The following PLXNA4 variants were observed in gnomAD, a reference collection of about 807,000 sequenced individuals.
PLXNA4 encodes the protein plexin A4, also known as plexin-A4.
PLXNA4 carries 44 observed loss-of-function variants against 191.8 expected under a neutral mutation model. The ratio of observed to expected loss-of-function variants is 0.23; its 90% CI spans 0.18 to 0.29. The LOEUF is 0.29. PLXNA4 is among the 10% of genes least tolerant of loss of function. PLXNA4 has a pLI of 1.00. For missense variants in PLXNA4, 1,800 were observed against 2,488.8 expected, an observed-to-expected ratio of 0.72 and a Z score of 5.89; for synonymous variants, 1,082 against 1,009.5, an observed-to-expected ratio of 1.07 and a Z score of -1.36.
intron 8 of PLXNA4, 29 bp downstream of exon 8, chr7:132,226,132 G>T: frequency 6.3e-7 from 1 of 1,583,346 alleles, no homozygotes; most frequent in Non-Finnish European, 8.7e-7. Flanking sequence ...CCCCAGGAAC[G>T]GGAAGTGGGT....
At chr7:132,270,691 G>C (rs1800033989) in intron 4 of PLXNA4, among the ~76,000 whole-genome samples, 1 of 152,196 alleles carries the variant, frequency 6.6e-6, no homozygotes. Flanking sequence ...CTGATGTACA[G>C]GCAGAATCAT....
rs556920916 is a variant in PLXNA4 at position 132,200,293 on chromosome 7, G to A, written c.2587-1657C>T. ...GATGGCACCAGACACACTGCCATGC[G>A]CAGCAGCCCCCTGGGTTGGTTTCTT... On this transcript the variant is annotated intron_variant, in intron 12 of 31. Transcript: ENST00000321063. Among the ~76,000 whole-genome samples the A allele has an allele frequency of 1.1e-4, 16 of 152,232 alleles. No individual in the cohort carries two copies. In the South Asian group the frequency reaches 3.1e-3, roughly 30 times the overall value.
chr7:132,291,415 G>A (rs1232097860), intron 4 of PLXNA4, among the ~76,000 whole-genome samples: 1 of 152,066 alleles, frequency 6.6e-6, no homozygotes, highest in South Asian at 2.1e-4. Flanking sequence ...TCTCTCATTC[G>A]CTGTCTCTCT....
In PLXNA4 at chr7:132,211,177, C is replaced by T. The variant is rs948431432; in HGVS notation, c.2098-34G>A. 3.2e-6 allele frequency: 5 copies of T among 1,542,232 alleles called. No homozygotes were observed. In the African/African-American group the frequency reaches 5.5e-5, roughly 17 times the overall value. ...AGAGGGCATGGCTCAGGCTGGGCAG[C>T]CAGGAAACCAAATGAGCAAGGACCT... On this transcript the variant is annotated intron_variant, in intron 9 of 31. Transcript: ENST00000321063.
At position 132,202,587 on chromosome 7, in the gene PLXNA4, G is replaced by T. The variant is rs1046498014; in HGVS notation, c.2586+59C>A. On this transcript the variant is annotated intron_variant, in intron 12 of 31. Coordinates refer to ENST00000321063, the MANE Select transcript of PLXNA4 (RefSeq NM_020911.2). ...CACGGCTGGGCAGAGTTTCCACAGG[G>T]TGTGGCACAGCAGCCTGGAGCCTGC... is the stretch of plus-strand genomic sequence containing the variant. 8.5e-6 allele frequency: 12 copies of T among 1,406,472 alleles called. No homozygotes were observed. The Admixed American group carries it at 1.6e-4, about 19-fold the overall frequency. 87.1% of individuals were successfully genotyped at this position (1,406,472 alleles called of 1,614,324 possible).
chr7:132,463,014 T>C (rs1796572638), intron 3 of PLXNA4, among the ~76,000 whole-genome samples: 1 of 151,870 alleles, frequency 6.6e-6, no homozygotes, highest in Non-Finnish European at 1.5e-5. Context: ...CGTGCCCAGC[T>C]AACTTCTATA....
chr7:132,393,211 CACT>C (rs1389243427), intron 3 of PLXNA4, among the ~76,000 whole-genome samples: 2 of 136,850 alleles, frequency 1.5e-5, no homozygotes, highest in Non-Finnish European at 3.2e-5. Flanking sequence ...CCACCACCAC[CACT>C]GACCCCAGCC....
intron 3 of PLXNA4, among the ~76,000 whole-genome samples, chr7:132,371,525 G>A (rs1388221488): frequency 1.3e-5 from 2 of 152,156 alleles, no homozygotes; most frequent in East Asian, 1.9e-4. Context: ...AAAGACTTGG[G>A]ATAGAAAATT....
At chr7:132,594,092 A>G (rs10273617) in intron 2 of PLXNA4, among the ~76,000 whole-genome samples, 2 of 152,168 alleles carry the variant, frequency 1.3e-5, no homozygotes, top group East Asian at 1.9e-4. Flanking sequence ...CGCAAAAATC[A>G]TATGTGAAAG....
chr7:132,174,937 C>A lies in PLXNA4; in HGVS notation c.3875-17G>T. ...CGGCAAAGGCTGGCACGAAGAGAAG[C>A]CTGTGAGATGGCTGGATGGGGAGGC... On this transcript the variant is annotated splice_polypyrimidine_tract_variant and intron_variant, in intron 20 of 31. Coordinates refer to ENST00000321063, the MANE Select transcript of PLXNA4 (RefSeq NM_020911.2). 6.2e-7 allele frequency: 1 copy of A among 1,613,132 alleles called. No individual in the cohort carries two copies. The highest frequency in any genetic ancestry group is 1.1e-5 in the South Asian group (1 of 91,016).
At chr7:132,575,690 C>T (rs990300671) in intron 1 of PLXNA4, among the ~76,000 whole-genome samples, 4 of 152,170 alleles carry the variant, frequency 2.6e-5, no homozygotes, top group Admixed American at 1.3e-4. Context: ...ATCTGACCCC[C>T]GTACCTTCCC....
chr7:132,383,285 T>C lies in PLXNA4; in HGVS notation c.1372-85063A>G, dbSNP rs550128431. 3.3e-5 allele frequency among the ~76,000 whole-genome samples: 5 copies of C among 152,220 alleles called. No homozygotes were observed. The South Asian group carries it at 1.0e-3, about 32-fold the overall frequency. Reference sequence around the variant, plus strand: ...AGCTGGCTGGCTGCACACACCAGGATTGGACATGGATATTTCAAAGCATCT... The same window carrying C: ...AGCTGGCTGGCTGCACACACCAGGACTGGACATGGATATTTCAAAGCATCT... On this transcript the variant is annotated intron_variant, in intron 3 of 31. Coordinates refer to ENST00000321063, the MANE Select transcript of PLXNA4 (RefSeq NM_020911.2).
At chr7:132,186,744 A>G (rs770878829) in intron 15 of PLXNA4, among the ~76,000 whole-genome samples, 14 of 152,228 alleles carry the variant, frequency 9.2e-5, no homozygotes, top group Non-Finnish European at 1.2e-4. Context: ...ATTCCTGGGC[A>G]CAGACCAAGC....
chr7:132,483,381 C>T (rs1797415025), intron 3 of PLXNA4, among the ~76,000 whole-genome samples: 1 of 152,240 alleles, frequency 6.6e-6, no homozygotes, highest in South Asian at 2.1e-4. Context: ...CTCTTCTTGC[C>T]TCTGCCTCCT....
chr7:132,600,017 C>G (rs191826936), intron 2 of PLXNA4, among the ~76,000 whole-genome samples: 1 of 152,296 alleles, frequency 6.6e-6, no homozygotes, highest in East Asian at 1.9e-4. Context: ...TCCTTGCTCA[C>G]TTGGAATAAA....
intron 2 of PLXNA4, among the ~76,000 whole-genome samples, chr7:132,627,152 C>T (rs1479959007): frequency 1.3e-5 from 2 of 152,180 alleles, no homozygotes; most frequent in African/African-American, 4.8e-5. Flanking sequence ...TAACTCATGG[C>T]TCATAAAGAA....
intron 3 of PLXNA4, among the ~76,000 whole-genome samples, chr7:132,331,564 G>A (rs535378550): frequency 7.9e-5 from 12 of 152,364 alleles, no homozygotes; most frequent in Middle Eastern, 3.4e-3. Flanking sequence ...TGTGGTTATA[G>A]GGAGTGGTCA....
At chr7:132,178,444 A>G (rs1796549387) in intron 20 of PLXNA4, among the ~76,000 whole-genome samples, 1 of 152,090 alleles carries the variant, frequency 6.6e-6, no homozygotes, top group Non-Finnish European at 1.5e-5. Context: ...CCTTTAAGTC[A>G]CCAAGCGCCT....
chr7:132,225,677 G>A (rs1798297987), intron 8 of PLXNA4, among the ~76,000 whole-genome samples: 1 of 151,950 alleles, frequency 6.6e-6, no homozygotes, highest in African/African-American at 2.4e-5. Context: ...ACTCAGCCTG[G>A]GCAGCCTGTG....
Sources: allele counts gnomAD v4.1 joint callset (sites outside exome capture counted in the v4.1 genomes callset), GRCh38; gene constraint gnomAD v4.1.1; transcripts MANE v1.5; gene names NCBI Gene and HGNC (gene_info 2026-07-23, HGNC 2026-07-21).